Variants in NRXN3 observed in about 807,000 individuals in gnomAD.
NRXN3 encodes neurexin 3, also known as neurexin III.
In NRXN3, 32 loss-of-function variants were observed where a neutral mutation model predicts 137.6. The observed-to-expected ratio is 0.23, with a 90% confidence interval of 0.18 to 0.31. The LOEUF (loss-of-function observed/expected upper bound fraction) is 0.31. Ranked by LOEUF, NRXN3 falls within the 10% of genes least tolerant of loss-of-function variation. The pLI, the probability that NRXN3 is intolerant of heterozygous loss-of-function variation, is 1.00. For missense variants in NRXN3, 1,574 were observed against 2,062.5 expected (o/e 0.76, Z 4.59); for synonymous variants, 798 against 784.5 (o/e 1.02, Z -0.29).
chr14:79,634,475 C>CT (rs1257668097), intron 16 of NRXN3, among the ~76,000 whole-genome samples: 1 of 152,112 alleles, frequency 6.6e-6, no homozygotes, highest in African/African-American at 2.4e-5. Context: ...GAAGGAAGTC[C>CT]TTTTTGTTTT....
intron 19 of NRXN3, among the ~76,000 whole-genome samples, chr14:79,768,352 T>A (rs1200391985): frequency 6.6e-6 from 1 of 152,180 alleles, no homozygotes; most frequent in Non-Finnish European, 1.5e-5. Context: ...AGCAGTAACC[T>A]CTGCAGACTT....
intron 15 of NRXN3, among the ~76,000 whole-genome samples, chr14:79,135,401 G>A (rs1247213759): frequency 6.6e-6 from 1 of 152,094 alleles, no homozygotes; most frequent in Admixed American, 6.5e-5. Context: ...CTCCTAAAGA[G>A]TTTTGAAAAA....
intron 10 of NRXN3, among the ~76,000 whole-genome samples, chr14:78,950,830 G>A (rs1013980745): frequency 6.6e-6 from 1 of 152,130 alleles, no homozygotes; most frequent in Non-Finnish European, 1.5e-5. Flanking sequence ...GGAAGCTGCC[G>A]GGAGCTGGTT....
intron 20 of NRXN3, among the ~76,000 whole-genome samples, chr14:79,807,195 G>A (rs1028704908): frequency 6.6e-5 from 10 of 151,466 alleles, no homozygotes; most frequent in Admixed American, 5.3e-4. Context: ...GGCTGGTCTC[G>A]AGTTCCAGGC....
At chr14:78,219,183 C>G (rs999835129) in intron 1 of NRXN3, among the ~76,000 whole-genome samples, 1 of 152,086 alleles carries the variant, frequency 6.6e-6, no homozygotes, top group African/African-American at 2.4e-5. Context: ...CAGCCCCCAA[C>G]AATTCCTGTC....
chr14:79,264,193 C>T (rs1038576001), intron 15 of NRXN3, among the ~76,000 whole-genome samples: 2 of 152,078 alleles, frequency 1.3e-5, no homozygotes, highest in African/African-American at 2.4e-5. Flanking sequence ...GGTTCAAGCG[C>T]TTCTCCCACC....
intron 19 of NRXN3, among the ~76,000 whole-genome samples, chr14:79,731,553 C>A (rs1231041857): frequency 2.0e-5 from 3 of 152,032 alleles, no homozygotes; most frequent in African/African-American, 7.2e-5. Flanking sequence ...AAATAAAACT[C>A]TTAAGAAAGC....
At chr14:78,993,834 A>ATTT (rs58170856) in intron 15 of NRXN3, among the ~76,000 whole-genome samples, 862 of 66,974 alleles carry the variant, frequency 0.013, 60 homozygotes, top group East Asian at 0.033. Flanking sequence ...GAGCCTTGAA[A>ATTT]TTTTTTTTTT....
At chr14:78,484,571 A>G (rs1218658700) in intron 4 of NRXN3, among the ~76,000 whole-genome samples, 2 of 152,100 alleles carry the variant, frequency 1.3e-5, no homozygotes, top group African/African-American at 4.8e-5. Context: ...ATTCTCTCCT[A>G]TTACCCACTC....
chr14:79,731,643 CTT>C (rs530011034), intron 19 of NRXN3, among the ~76,000 whole-genome samples: 7 of 140,080 alleles, frequency 5.0e-5, no homozygotes, highest in African/African-American at 1.1e-4. Context: ...TCCCTTCCTT[CTT>C]TTTTTTTTTT....
At chr14:79,036,494 A>G (rs2099616215) in intron 15 of NRXN3, among the ~76,000 whole-genome samples, 1 of 152,108 alleles carries the variant, frequency 6.6e-6, no homozygotes, top group Non-Finnish European at 1.5e-5. Context: ...TACTGTGACA[A>G]AAACAAAACA....
intron 15 of NRXN3, among the ~76,000 whole-genome samples, chr14:79,257,563 T>C (rs866096746): frequency 2.4e-5 from 3 of 124,848 alleles, no homozygotes; most frequent in African/African-American, 1.0e-4. Flanking sequence ...GTGGTGATGG[T>C]GGTGGTGGTG....
intron 20 of NRXN3, among the ~76,000 whole-genome samples, chr14:79,838,908 G>A (rs1408203228): frequency 1.3e-5 from 2 of 152,190 alleles, no homozygotes; most frequent in African/African-American, 2.4e-5. Flanking sequence ...CCAGTTAGAG[G>A]TGGTCAAAAG....
chr14:79,567,003 G>C (rs970149070), intron 16 of NRXN3, among the ~76,000 whole-genome samples: 1 of 152,038 alleles, frequency 6.6e-6, no homozygotes, highest in Non-Finnish European at 1.5e-5. Flanking sequence ...ATCAAATGTT[G>C]CTTATAGAGG....
chr14:79,139,890 T>C (rs1271085231), intron 15 of NRXN3, among the ~76,000 whole-genome samples: 1 of 150,080 alleles, frequency 6.7e-6, no homozygotes, highest in Non-Finnish European at 1.5e-5. Flanking sequence ...GAAATATGGC[T>C]TATACAAATG....
At chr14:78,456,799 C>CTTTCTTTCTT (rs1177466177) in intron 4 of NRXN3, among the ~76,000 whole-genome samples, 19 of 97,690 alleles carry the variant, frequency 1.9e-4, no homozygotes, top group East Asian at 6.1e-4. Context: ...CTCTCTTTCT[C>CTTTCTTTCTT]TCTTTCTTTC....
chr14:79,795,926 A>G (rs1006514949), intron 19 of NRXN3, among the ~76,000 whole-genome samples: 5 of 152,180 alleles, frequency 3.3e-5, no homozygotes, highest in African/African-American at 4.8e-5. Context: ...GAGGGAGGAA[A>G]ATAAGAAGAA....
At chr14:79,325,842 G>C (rs1433124387) in intron 15 of NRXN3, among the ~76,000 whole-genome samples, 1 of 152,126 alleles carries the variant, frequency 6.6e-6, no homozygotes, top group East Asian at 1.9e-4. Context: ...ATGCCATCTT[G>C]TCTGTTAGAA....
chr14:78,789,816 G>A (rs2098800011), intron 8 of NRXN3, among the ~76,000 whole-genome samples: 1 of 152,002 alleles, frequency 6.6e-6, no homozygotes, highest in South Asian at 2.1e-4. Flanking sequence ...CTTGAAACAT[G>A]GTTTACAGGT....
Sources: gnomAD v4.1 joint callset for allele counts (sites outside exome capture counted in the v4.1 genomes callset) on GRCh38, gnomAD v4.1.1 for gene constraint, MANE v1.5 for transcripts, NCBI Gene and HGNC (gene_info 2026-07-23, HGNC 2026-07-21) for gene names.